NAA80: variants seen among roughly 807,000 people sequenced by gnomAD.
NAA80 encodes N-alpha-acetyltransferase 80, NatH catalytic subunit, also known as N-alpha-acetyltransferase 80.
Under a neutral mutation model 8.7 loss-of-function variants are expected in NAA80, and 5 were observed. The observed-to-expected ratio is 0.58, with a 90% CI of 0.30 to 1.21. NAA80 has a LOEUF of 1.21. Ranked by LOEUF, NAA80 falls within the 50% of genes most tolerant of loss-of-function variation. The pLI is 0.07. For synonymous variants in NAA80, 149 were observed against 156.6 expected (o/e 0.95, Z 0.36); for missense variants, 360 against 368.6 (o/e 0.98, Z 0.19).
chr3:50,298,587 AAAC>A (rs1701966283), intron 1 of NAA80, among the ~76,000 whole-genome samples: 2 of 151,644 alleles, frequency 1.3e-5, no homozygotes, highest in South Asian at 4.2e-4. Context: ...TCCTGTGCCC[AAAC>A]CCTACTGTTT....
chr3:50,298,846 C>T, intron 1 of NAA80: 3 of 1,230,552 alleles, frequency 2.4e-6, no homozygotes, highest in South Asian at 1.9e-5. Flanking sequence ...CTGCAGCAGC[C>T]GCACCCTTTG....
At position 50,297,955 on chromosome 3, in the gene NAA80, G is replaced by C. The variant is rs1239747127; in HGVS notation, c.-209-283C>G. On this transcript the variant is annotated intron_variant, in intron 1 of 1. Transcript: ENST00000443094. This position sits in a 1 kb window ranked among gnomAD's most constrained non-coding sequence, Gnocchi z 4.3. Reference sequence around the variant, plus strand: ...AACCTAGGAGTCCTGGCCCCAGCCTGCTCTGGCTACAAATTTGTCCTCCTC... The same window carrying C: ...AACCTAGGAGTCCTGGCCCCAGCCTCCTCTGGCTACAAATTTGTCCTCCTC... 1.0e-6 allele frequency: 1 copy of C among 988,880 alleles called. No individual in the cohort carries two copies. Among genetic ancestry groups the C allele is most frequent in the Non-Finnish European group, 1.2e-6 (1 of 832,600 alleles). 61.3% of individuals were successfully genotyped at this position (988,880 alleles called of 1,614,324 possible).
In NAA80 at chr3:50,297,589, T is replaced by C. The variant is rs1701906499; in HGVS notation, c.-126A>G. 21 of 1,489,350 alleles carry C rather than the reference T, an allele frequency of 1.4e-5. No homozygotes were observed. The highest frequency in any genetic ancestry group is 1.5e-5 in the Non-Finnish European group (17 of 1,122,354). 92.3% of individuals were successfully genotyped at this position (1,489,350 alleles called of 1,614,324 possible). On this transcript the variant is annotated 5_prime_UTR_variant, in exon 2 of 2. Transcript: ENST00000443094. This position sits in a 1 kb window ranked among gnomAD's most constrained non-coding sequence, Gnocchi z 4.3. ...GGAGCCAAGGTCACCTGCTGCTAGG[T>C]TGCAGGTGGCTCAGTGCCAGGCTGG...
At chr3:50,298,045 G>A in intron 1 of NAA80, 1 of 985,664 alleles carries the variant, frequency 1.0e-6, no homozygotes, top group Non-Finnish European at 1.2e-6. Context: ...CAATCTACTT[G>A]CTGGCCTTCT....
chr3:50,299,146 G>C (rs1702010075), intron 1 of NAA80, 67 bp downstream of exon 1: 3 of 1,613,716 alleles, frequency 1.9e-6, no homozygotes, highest in Non-Finnish European at 2.5e-6. Context: ...AGGGTGGCAT[G>C]GCCACTTGGG....
intron 1 of NAA80, 198 bp downstream of exon 1, chr3:50,299,015 C>A: frequency 6.7e-7 from 1 of 1,490,122 alleles, no homozygotes; most frequent in South Asian, 1.3e-5. Flanking sequence ...GTTTCCCCCT[C>A]CCTCCTAGTG....
At position 50,297,290 on chromosome 3, in the gene NAA80, A is replaced by C; in HGVS notation, c.174T>G (p.Ala58=). 1 of 1,604,346 alleles carries C rather than the reference A, an allele frequency of 6.2e-7. No homozygotes were observed. The highest frequency in any genetic ancestry group is 8.5e-7 in the Non-Finnish European group (1 of 1,173,520). The change falls in exon 2 of 2, where the codon GCT becomes GCG. Residue 58 remains alanine, a synonymous_variant. Transcript: ENST00000443094. This position sits in a 1 kb window ranked among gnomAD's most constrained non-coding sequence, Gnocchi z 4.3. ...GGTGCACAGGCTCCAGGGTCAACTCAGCCAGGCTAGGAGCTGGGGTCTCCT... is the reference window on the plus strand; with the variant it reads ...GGTGCACAGGCTCCAGGGTCAACTCCGCCAGGCTAGGAGCTGGGGTCTCCT... ...QPEETPAPSL[A]ELTLEPVHRR...
chr3:50,299,008 T>TC, intron 1 of NAA80: 1 of 1,478,730 alleles, frequency 6.8e-7, no homozygotes, highest in Non-Finnish European at 9.0e-7. Flanking sequence ...GGCCTCGGTT[T>TC]CCCCCTCCCT....
chr3:50,298,860 T>C, intron 1 of NAA80: 1 of 1,276,354 alleles, frequency 7.8e-7, no homozygotes, highest in Non-Finnish European at 1.0e-6. Context: ...CCCTTTGGTC[T>C]AGAGGGAGGA....
In NAA80 at chr3:50,297,110, G is replaced by A. The variant is rs377325247; in HGVS notation, c.354C>T (p.Pro118=). ...LSPHPTLEAA[P]VVVGHARLSR... Reference sequence around the variant, plus strand: ...ACAGGCGGGCATGGCCCACCACAACGGGTGCTGCTTCAAGTGTGGGGTGGG... The same window carrying A: ...ACAGGCGGGCATGGCCCACCACAACAGGTGCTGCTTCAAGTGTGGGGTGGG... Residue 118 remains proline (P), a synonymous_variant, in exon 2 of 2, where the codon CCC becomes CCT. Coordinates refer to ENST00000443094, the MANE Select transcript of NAA80 (RefSeq NM_001200016.2). The surrounding 1 kb of genome is among the most constrained non-coding windows in gnomAD (Gnocchi z 4.3). 6.7e-5 allele frequency: 105 copies of A among 1,556,152 alleles called. No homozygotes were observed. Among genetic ancestry groups the A allele is most frequent in the Non-Finnish European group, 8.5e-5 (98 of 1,149,690 alleles).
chr3:50,297,558 A>G lies in NAA80; in HGVS notation c.-95T>C. ...CACAGGATCCAGGTTCAGCTGAGTC[A>G]GGCTGGGAGCCAAGGTCACCTGCTG... On this transcript the variant is annotated 5_prime_UTR_variant, in exon 2 of 2. Coordinates refer to ENST00000443094, the MANE Select transcript of NAA80 (RefSeq NM_001200016.2). This position sits in a 1 kb window ranked among gnomAD's most constrained non-coding sequence, Gnocchi z 4.3. The G allele has an allele frequency of 1.3e-6, 2 of 1,502,040 alleles. No individual in the cohort carries two copies. The highest frequency in any genetic ancestry group is 1.4e-5 in the South Asian group (1 of 73,790). The allele number at this position is 1,502,040 out of a possible 1,614,324, so 93.0% of individuals were successfully genotyped here.
chr3:50,298,914 C>T (rs1469506845), intron 1 of NAA80: 1 of 1,362,300 alleles, frequency 7.3e-7, no homozygotes, highest in Non-Finnish European at 9.5e-7. Context: ...GGCTTCCCCG[C>T]GGCCTTAACC....
chr3:50,296,500 C>T lies in NAA80; in HGVS notation c.*103G>A, dbSNP rs1701843604. The stretch of plus-strand genomic sequence containing the variant: ...AGGAAACATGCCCAGGTTAAAGCTG[C>T]CCCCCAGGGGCTAGGGGCTGAGGTA... On this transcript the variant is annotated 3_prime_UTR_variant, in exon 2 of 2. Coordinates refer to ENST00000443094, the MANE Select transcript of NAA80 (RefSeq NM_001200016.2). 1.5e-6 allele frequency: 2 copies of T among 1,348,862 alleles called. No homozygotes were observed. The highest frequency in any genetic ancestry group is 2.8e-5 in the South Asian group (2 of 72,678). The allele number at this position is 1,348,862 out of a possible 1,614,324, so 83.6% of individuals were successfully genotyped here.
intron 1 of NAA80, chr3:50,298,183 T>A (rs1247070553): frequency 7.7e-6 from 6 of 775,158 alleles, no homozygotes; most frequent in African/African-American, 3.8e-5. Context: ...AGTCTTCCTG[T>A]CCCTTTCTTC....
At chr3:50,298,220 T>G in intron 1 of NAA80, 1 of 614,390 alleles carries the variant, frequency 1.6e-6, no homozygotes, top group Non-Finnish European at 2.0e-6. Flanking sequence ...CTCCTCCAGC[T>G]CCCAGCCTTT....
Position 50,297,293 on chromosome 3 carries a change from C to T in NAA80, c.171G>A (p.Leu57=). The part of the protein sequence containing the change: ...HQPEETPAPS[L]AELTLEPVHR... ...GCACAGGCTCCAGGGTCAACTCAGCCAGGCTAGGAGCTGGGGTCTCCTCTG... is the reference window on the plus strand; with the variant it reads ...GCACAGGCTCCAGGGTCAACTCAGCTAGGCTAGGAGCTGGGGTCTCCTCTG... The change falls in exon 2 of 2, where the codon CTG becomes CTA. Residue 57 remains leucine (L), a synonymous_variant. Transcript: ENST00000443094. The surrounding 1 kb of genome is among the most constrained non-coding windows in gnomAD (Gnocchi z 4.3). The T allele has an allele frequency of 1.2e-6, 2 of 1,603,842 alleles. No homozygotes were observed. The highest frequency in any genetic ancestry group is 1.7e-6 in the Non-Finnish European group (2 of 1,173,232).
intron 1 of NAA80, among the ~76,000 whole-genome samples, chr3:50,298,436 G>A (rs1701954938): frequency 6.6e-6 from 1 of 151,876 alleles, no homozygotes; most frequent in Non-Finnish European, 1.5e-5. Context: ...ACTGGGCCTG[G>A]CCCACAGTCA....
At position 50,299,248 on chromosome 3, in the gene NAA80, A is replaced by C. The variant is rs1488210798; in HGVS notation, c.-245T>G. The C allele has an allele frequency of 6.2e-7, 1 of 1,614,018 alleles. No individual in the cohort carries two copies. Among genetic ancestry groups the C allele is most frequent in the Admixed American group, 1.7e-5 (1 of 60,024 alleles). ...TGGCCTCTGGGATGTTCCGCGTCCT[A>C]GCTCCGCACAGCTGGGTATCTCACT... On this transcript the variant is annotated 5_prime_UTR_variant, in exon 1 of 2. Transcript: ENST00000443094.
rs372972491 is a variant in NAA80 at position 50,299,249 on chromosome 3, G to T, written c.-246C>A. On this transcript the variant is annotated 5_prime_UTR_variant, in exon 1 of 2. Coordinates refer to ENST00000443094, the MANE Select transcript of NAA80 (RefSeq NM_001200016.2). Reference sequence around the variant, plus strand: ...GGCCTCTGGGATGTTCCGCGTCCTAGCTCCGCACAGCTGGGTATCTCACTC... The same window carrying T: ...GGCCTCTGGGATGTTCCGCGTCCTATCTCCGCACAGCTGGGTATCTCACTC... The T allele has an allele frequency of 2.8e-5, 45 of 1,613,932 alleles. 1 individual carries two copies. The highest frequency in any genetic ancestry group is 3.6e-5 in the Non-Finnish European group (42 of 1,180,018).
Sources: allele counts gnomAD v4.1 joint callset (sites outside exome capture counted in the v4.1 genomes callset), GRCh38; gene constraint gnomAD v4.1.1; non-coding constraint Gnocchi (gnomAD v3.1); transcripts MANE v1.5; gene names NCBI Gene and HGNC (gene_info 2026-07-23, HGNC 2026-07-21).